Variants in TUBB1 observed in about 807,000 individuals in gnomAD.
The protein encoded by TUBB1 is tubulin beta 1 class VI, also known as tubulin beta-1 chain.
TUBB1 carries 28 observed loss-of-function variants against 22.6 expected under a neutral mutation model. The ratio of observed to expected loss-of-function variants is 1.24; its 90% CI spans 0.92 to 1.70. The LOEUF (loss-of-function observed/expected upper bound fraction) is 1.70, where lower values mean the gene tolerates loss of function less well. Among genes scored for constraint, TUBB1 ranks in the 40% most tolerant of loss-of-function variants. TUBB1 has a pLI of 0.00. For missense variants in TUBB1, 577 were observed against 605.5 expected, an observed-to-expected ratio of 0.95 and a Z score of 0.49; for synonymous variants, 226 against 238.0, an observed-to-expected ratio of 0.95 and a Z score of 0.46.
chr20:59,018,568 T>C (rs2091954375), upstream of TUBB1, among the ~76,000 whole-genome samples: 2 of 152,140 alleles, frequency 1.3e-5, no homozygotes, highest in Admixed American at 6.5e-5. Flanking sequence ...CCACCACACC[T>C]GACTAATATT....
chr20:59,017,752 C>A (rs941177874), upstream of TUBB1, among the ~76,000 whole-genome samples: 15 of 152,206 alleles, frequency 9.9e-5, no homozygotes, highest in African/African-American at 2.7e-4. Context: ...TCTTGCCTGT[C>A]CTGAGTCCCT....
chr20:59,023,507 C>A lies in TUBB1; in HGVS notation c.184C>A (p.Arg62=), dbSNP rs35989782. The part of the protein sequence containing the change: ...NEAYGRKYVP[R]AVLVDLEPGT... The stretch of plus-strand genomic sequence containing the variant: ...CTACACAGGTAGGAAATATGTGCCC[C>A]GAGCAGTCTTGGTGGACCTAGAACC... Residue 62 remains arginine (R), a synonymous_variant, in exon 3 of 4, where the codon CGA becomes AGA. Coordinates refer to ENST00000217133, the MANE Select transcript of TUBB1 (RefSeq NM_030773.4). The A allele has an allele frequency of 0.018, 29,512 of 1,613,862 alleles. 457 individuals are homozygous for A. Among genetic ancestry groups the A allele is most frequent in the Admixed American group, 0.065 (3,914 of 60,006 alleles).
rs1002098405 is a variant in TUBB1, at chr20:59,024,886, T to C, written c.*103T>C. 2 of 1,002,730 alleles carry C rather than the reference T, an allele frequency of 2.0e-6. No homozygotes were observed. Among genetic ancestry groups the C allele is most frequent in the Non-Finnish European group, 3.1e-6 (2 of 642,082 alleles). The allele number at this position is 1,002,730 out of a possible 1,614,324, so 62.1% of individuals were successfully genotyped here. A position where few individuals can be genotyped will look rare whatever the true frequency, so the allele number is the denominator to read the frequency against. The stretch of plus-strand genomic sequence containing the variant: ...AAACCCACTCTGCACTGCAGCACAG[T>C]GAATGATATGCACTCACCATTAGCT... On this transcript the variant is annotated 3_prime_UTR_variant, in exon 4 of 4. Transcript: ENST00000217133. This position sits in a 1 kb window ranked among gnomAD's most constrained non-coding sequence, Gnocchi z 4.9.
rs764351849 is a variant in TUBB1 at position 59,024,819 on chromosome 20, A to G, written c.*36A>G. The G allele has an allele frequency of 6.3e-7, 1 of 1,598,922 alleles. No individual in the cohort carries two copies. Among genetic ancestry groups the G allele is most frequent in the East Asian group, 2.2e-5 (1 of 44,800 alleles). On this transcript the variant is annotated 3_prime_UTR_variant, in exon 4 of 4. Coordinates refer to ENST00000217133, the MANE Select transcript of TUBB1 (RefSeq NM_030773.4). The surrounding 1 kb of genome is among the most constrained non-coding windows in gnomAD (Gnocchi z 4.9). ...AGCTGTGCCGCGGAGTCGCTTACAGAACAGTTTCTCATTAGATGAGTGTTT... is the reference window on the plus strand; with the variant it reads ...AGCTGTGCCGCGGAGTCGCTTACAGGACAGTTTCTCATTAGATGAGTGTTT...
In TUBB1 at chr20:59,026,365, A is replaced by G. The variant is rs1337370087; in HGVS notation, c.*1582A>G. ...CTAGATTTAGTAAGAAACTCTACCT[A>G]TATACTTAGTTTGAAGTTAGTAACT... On this transcript the variant is annotated 3_prime_UTR_variant, in exon 4 of 4. Coordinates refer to ENST00000217133, the MANE Select transcript of TUBB1 (RefSeq NM_030773.4). The G allele has an allele frequency of 6.6e-6, 1 of 152,162 alleles. No homozygotes were observed. Among genetic ancestry groups the G allele is most frequent in the East Asian group, 1.9e-4 (1 of 5,196 alleles). 9.4% of individuals were successfully genotyped at this position (152,162 alleles called of 1,614,324 possible).
At chr20:59,022,999 C>A in intron 2 of TUBB1, 46 bp downstream of exon 2, 1 of 1,528,056 alleles carries the variant, frequency 6.5e-7, no homozygotes, top group Non-Finnish European at 9.0e-7. Context: ...CAACTGGGAA[C>A]ACAAGCAGAG....
intron 1 of TUBB1, among the ~76,000 whole-genome samples, chr20:59,020,520 A>G (rs192113463): frequency 6.6e-6 from 1 of 152,264 alleles, no homozygotes; most frequent in Admixed American, 6.5e-5. Context: ...CATATCTAAA[A>G]ACAGTAATTT....
Position 59,023,822 on chromosome 20 carries a change from G to C in TUBB1, c.395G>C (p.Gly132Ala). 3 of 1,614,198 alleles carry C rather than the reference G, an allele frequency of 1.9e-6. No homozygotes were observed. Among genetic ancestry groups the C allele is most frequent in the Non-Finnish European group, 2.5e-6 (3 of 1,180,034 alleles). ...AGTGAGAGCTGTGACTGCCTGCAGG[G>C]CTTCCAGATCGTCCACTCCCTGGGC... ...HESESCDCLQ[G>A]FQIVHSLGGG... Residue 132 changes from glycine (G) to alanine (A), a missense_variant, in exon 4 of 4, where the codon GGC becomes GCC. Physicochemically the swap from Gly to Ala is moderately conservative, Grantham distance 60. Transcript: ENST00000217133.
upstream of TUBB1, among the ~76,000 whole-genome samples, chr20:59,017,149 G>A (rs928589667): frequency 6.6e-6 from 1 of 152,174 alleles, no homozygotes; most frequent in Non-Finnish European, 1.5e-5. Flanking sequence ...TGGAAACAAG[G>A]ACTTCCACTT....
chr20:59,024,979 A>G lies in TUBB1; in HGVS notation c.*196A>G. ...GGCATTAGGGTCTTTGCTGACATCT[A>G]CTAACCTTGAAGAGTTTGATGTTCA... On this transcript the variant is annotated 3_prime_UTR_variant, in exon 4 of 4. Coordinates refer to ENST00000217133, the MANE Select transcript of TUBB1 (RefSeq NM_030773.4). This position sits in a 1 kb window ranked among gnomAD's most constrained non-coding sequence, Gnocchi z 4.9. The G allele has an allele frequency of 3.1e-6, 2 of 636,332 alleles. No homozygotes were observed. Among genetic ancestry groups the G allele is most frequent in the South Asian group, 3.6e-5 (2 of 55,808 alleles). 39.4% of individuals were successfully genotyped at this position (636,332 alleles called of 1,614,324 possible).
chr20:59,022,708 T>C (rs758507329), intron 1 of TUBB1, 137 bp from the exon 2 acceptor site: 4 of 755,084 alleles, frequency 5.3e-6, no homozygotes, highest in Non-Finnish European at 9.4e-6. Flanking sequence ...CATGGTTATT[T>C]ATGAAAAGGC....
At chr20:59,019,171 T>C (rs550361697), upstream of TUBB1, 2 of 368,894 alleles carry the variant, frequency 5.4e-6, no homozygotes, top group East Asian at 6.1e-5. Context: ...CATGGTCACC[T>C]AGAAGCCTGC....
In TUBB1 at chr20:59,026,066, T is replaced by C. The variant is rs957657532; in HGVS notation, c.*1283T>C. Reference sequence around the variant, plus strand: ...AATGGGAAAATGCTCCGACCCTCAATGCAGTAAATATTTACTTGCAGGCAA... The same window carrying C: ...AATGGGAAAATGCTCCGACCCTCAACGCAGTAAATATTTACTTGCAGGCAA... On this transcript the variant is annotated 3_prime_UTR_variant, in exon 4 of 4. Transcript: ENST00000217133. 1 of 152,230 alleles carries C rather than the reference T, an allele frequency of 6.6e-6. No individual in the cohort carries two copies. The highest frequency in any genetic ancestry group is 1.5e-5 in the Non-Finnish European group (1 of 68,042). 9.4% of individuals were successfully genotyped at this position (152,230 alleles called of 1,614,324 possible). A position where few individuals can be genotyped will look rare whatever the true frequency, so the allele number is the denominator to read the frequency against.
At chr20:59,017,635 G>GC (rs1442333313), upstream of TUBB1, among the ~76,000 whole-genome samples, 1 of 152,172 alleles carries the variant, frequency 6.6e-6, no homozygotes, top group Non-Finnish European at 1.5e-5. Flanking sequence ...GGAAGCACAG[G>GC]CCCCTCATGG....
chr20:59,026,632 A>G lies in TUBB1; in HGVS notation c.*1849A>G, dbSNP rs976301649. 8.5e-5 allele frequency: 13 copies of G among 152,254 alleles called. No homozygotes were observed. Among genetic ancestry groups the G allele is most frequent in the Non-Finnish European group, 2.9e-5 (2 of 68,046 alleles). 9.4% of individuals were successfully genotyped at this position (152,254 alleles called of 1,614,324 possible). On this transcript the variant is annotated 3_prime_UTR_variant, in exon 4 of 4. Coordinates refer to ENST00000217133, the MANE Select transcript of TUBB1 (RefSeq NM_030773.4). ...AAAATTGCTTTATTTCAGACTAAATAAATTCCTTTTCTTGAAGCCTAACCA... is the reference window on the plus strand; with the variant it reads ...AAAATTGCTTTATTTCAGACTAAATGAATTCCTTTTCTTGAAGCCTAACCA...
chr20:59,023,758 G>C lies in TUBB1; in HGVS notation c.331G>C (p.Glu111Gln). The change falls in exon 4 of 4, where the codon GAG (glutamate) becomes CAG (glutamine). Residue 111 changes from glutamate (E) to glutamine (Q), a missense_variant. Glu to Gln is a conservative substitution (Grantham distance 29). Transcript: ENST00000217133. ...CAAAGGCCACTACACGGAGGGAGCC[G>C]AGCTGATCGAGAATGTCCTAGAGGT... ...WAKGHYTEGA[E>Q]LIENVLEVVR... The C allele has an allele frequency of 6.2e-7, 1 of 1,614,214 alleles. No individual in the cohort carries two copies. The highest frequency in any genetic ancestry group is 8.5e-7 in the Non-Finnish European group (1 of 1,180,036).
chr20:59,024,251 C>T lies in TUBB1; in HGVS notation c.824C>T (p.Ala275Val). 1 of 1,614,038 alleles carries T rather than the reference C, an allele frequency of 6.2e-7. No individual in the cohort carries two copies. The highest frequency in any genetic ancestry group is 8.5e-7 in the Non-Finnish European group (1 of 1,180,046). Residue 275 changes from alanine (A) to valine (V), a missense_variant, in exon 4 of 4, where the codon GCC becomes GTC. Ala to Val is a moderately conservative substitution (Grantham distance 64). Coordinates refer to ENST00000217133, the MANE Select transcript of TUBB1 (RefSeq NM_030773.4). The surrounding 1 kb of genome is among the most constrained non-coding windows in gnomAD (Gnocchi z 4.9). ...ATGCCCGGCTTTGCCCCACTCACGG[C>T]CCAGGGCAGCCAGCAGTACCGAGCC... is the stretch of plus-strand genomic sequence containing the variant. The part of the protein sequence containing the change: ...FFMPGFAPLT[A>V]QGSQQYRALS...
In TUBB1 at chr20:59,024,480, G is replaced by T; in HGVS notation, c.1053G>T (p.Val351=). Residue 351 remains valine (V), a synonymous_variant, in exon 4 of 4, where the codon GTG becomes GTT. Coordinates refer to ENST00000217133, the MANE Select transcript of TUBB1 (RefSeq NM_030773.4). The surrounding 1 kb of genome is among the most constrained non-coding windows in gnomAD (Gnocchi z 4.9). ...FVEWIPNNVK[V]AVCDIPPRGL... is the part of the protein sequence containing the mutation. ...AGTGGATTCCCAACAACGTCAAGGT[G>T]GCTGTCTGCGACATCCCGCCCCGGG... 1 of 1,614,198 alleles carries T rather than the reference G, an allele frequency of 6.2e-7. No individual in the cohort carries two copies. The highest frequency in any genetic ancestry group is 1.1e-5 in the South Asian group (1 of 91,082).
chr20:59,025,198 C>T lies in TUBB1; in HGVS notation c.*415C>T, dbSNP rs1175590911. 7.3e-6 allele frequency: 2 copies of T among 274,406 alleles called. No individual in the cohort carries two copies. The highest frequency in any genetic ancestry group is 7.2e-6 in the Non-Finnish European group (1 of 139,086). 17.0% of individuals were successfully genotyped at this position (274,406 alleles called of 1,614,324 possible). ...ACTTGGTATCCGAGGGCTACTAAGA[C>T]TCTTTCCTTAGGTTCTTTCCTCTGA... On this transcript the variant is annotated 3_prime_UTR_variant, in exon 4 of 4. Coordinates refer to ENST00000217133, the MANE Select transcript of TUBB1 (RefSeq NM_030773.4).
Sources: gnomAD v4.1 joint callset for allele counts (sites outside exome capture counted in the v4.1 genomes callset) on GRCh38, gnomAD v4.1.1 for gene constraint, Gnocchi (gnomAD v3.1) non-coding constraint, MANE v1.5 for transcripts, NCBI Gene and HGNC (gene_info 2026-07-23, HGNC 2026-07-21) for gene names.